The following HMX1 variants were observed in gnomAD, a reference collection of about 807,000 sequenced individuals.
HMX1 encodes the protein H6 family homeobox 1.
Under a neutral mutation model 8.9 loss-of-function variants are expected in HMX1, and 8 were observed. The observed-to-expected ratio is 0.90, with a 90% CI of 0.53 to 1.63. HMX1 has a LOEUF of 1.63. Ranked by LOEUF, HMX1 falls within the 40% of genes most tolerant of loss-of-function variation. The probability of loss-of-function intolerance (pLI) is 0.00; values close to 1 mark genes in which losing one functional copy is unlikely to be tolerated. For synonymous variants in HMX1, 311 were observed against 283.4 expected, an observed-to-expected ratio of 1.10 and a Z score of -0.98; for missense variants, 621 against 558.5, an observed-to-expected ratio of 1.11 and a Z score of -1.13.
intron 1 of HMX1, among the ~76,000 whole-genome samples, chr4:8,869,118 A>G (rs1722127707): frequency 6.6e-6 from 1 of 152,204 alleles, no homozygotes; most frequent in Admixed American, 6.5e-5. Context: ...GTCCTGCCCC[A>G]AACACTTTCA....
chr4:8,858,502 T>A (rs996628797), intron 1 of HMX1, among the ~76,000 whole-genome samples: 2 of 152,120 alleles, frequency 1.3e-5, no homozygotes, highest in Non-Finnish European at 2.9e-5. Context: ...CAGGCGCCTA[T>A]TTGAGCTCCT....
intron 1 of HMX1, among the ~76,000 whole-genome samples, chr4:8,852,341 C>T (rs943845150): frequency 6.6e-6 from 1 of 152,246 alleles, no homozygotes; most frequent in Non-Finnish European, 1.5e-5. Flanking sequence ...CTCCACTGCA[C>T]TTTGTCACGG....
At chr4:8,863,469 G>A (rs1721897307), downstream of HMX1, among the ~76,000 whole-genome samples, 5 of 152,254 alleles carry the variant, frequency 3.3e-5, no homozygotes, top group African/African-American at 7.2e-5. Context: ...CAGAGCCAAG[G>A]ATCTGGGAAA....
At position 8,871,280 on chromosome 4, in the gene HMX1, C is replaced by A. The variant is rs777752890; in HGVS notation, c.335G>T (p.Gly112Val). The A allele has an allele frequency of 2.3e-4, 345 of 1,477,262 alleles. No homozygotes were observed. The highest frequency in any genetic ancestry group is 8.7e-4 in the South Asian group (69 of 79,082). The allele number at this position is 1,477,262 out of a possible 1,614,324, so 91.5% of individuals were successfully genotyped here. A position where few individuals can be genotyped will look rare whatever the true frequency, so the allele number is the denominator to read the frequency against. Residue 112 changes from glycine to valine, a missense_variant, in exon 1 of 2, where the codon GGC becomes GTC. Coordinates refer to ENST00000400677, the MANE Select transcript of HMX1 (RefSeq NM_018942.3). The surrounding 1 kb of genome is among the most constrained non-coding windows in gnomAD (Gnocchi z 4.8). The part of the protein sequence containing the change: ...PGPPFALGCG[G>V]AARWYPRAHG... Reference sequence around the variant, plus strand: ...CGCCCGTGGGTACCAGCGCGCTGCGCCTCCGCAGCCCAGAGCGAAGGGCGG... The same window carrying A: ...CGCCCGTGGGTACCAGCGCGCTGCGACTCCGCAGCCCAGAGCGAAGGGCGG...
downstream of HMX1, among the ~76,000 whole-genome samples, chr4:8,864,243 T>C (rs1721920110): frequency 6.6e-6 from 1 of 152,098 alleles, no homozygotes; most frequent in African/African-American, 2.4e-5. Context: ...AACGGAGGCC[T>C]GGAGGAGAGA....
At chr4:8,858,598 G>A (rs956449241) in intron 1 of HMX1, 1 of 152,264 alleles carries the variant, frequency 6.6e-6, no homozygotes, top group Admixed American at 6.5e-5. Context: ...GGACGTCATG[G>A]GGGGAGTGCC....
chr4:8,867,896 C>G lies in HMX1; in HGVS notation c.844G>C (p.Val282Leu). ...GGGCTTTCGTGGTAGAGCACCGGCA[C>G]GCGGACCAGGCGCTGCGCTCCCGGC... ...SPPGAQRLVRVPVLYHESPPA... is the reference protein window; with the variant it reads ...SPPGAQRLVRLPVLYHESPPA... The change falls in exon 2 of 2, where the codon GTG becomes CTG. Residue 282 changes from valine to leucine, a missense_variant. Coordinates refer to ENST00000400677, the MANE Select transcript of HMX1 (RefSeq NM_018942.3). 1 of 1,372,116 alleles carries G rather than the reference C, an allele frequency of 7.3e-7. No homozygotes were observed. Among genetic ancestry groups the G allele is most frequent in the South Asian group, 1.7e-5 (1 of 60,320 alleles). The allele number at this position is 1,372,116 out of a possible 1,614,324, so 85.0% of individuals were successfully genotyped here.
intron 1 of HMX1, among the ~76,000 whole-genome samples, chr4:8,861,609 C>T (rs1721825248): frequency 6.6e-6 from 1 of 152,132 alleles, no homozygotes; most frequent in Non-Finnish European, 1.5e-5. Flanking sequence ...GTAGGCGGAG[C>T]CCCGGGGGCA....
At chr4:8,862,287 G>A (rs905002263), downstream of HMX1, among the ~76,000 whole-genome samples, 5 of 152,260 alleles carry the variant, frequency 3.3e-5, no homozygotes, top group African/African-American at 9.6e-5. Context: ...CCGATTGGGC[G>A]TAGATAAACC....
intron 1 of HMX1, among the ~76,000 whole-genome samples, chr4:8,856,670 C>T (rs1198212793): frequency 6.6e-6 from 1 of 152,218 alleles, no homozygotes; most frequent in Non-Finnish European, 1.5e-5. Flanking sequence ...AGTACATTCA[C>T]TTCCCATTTT....
In HMX1 at chr4:8,871,471, GTCC is replaced by G. The variant is rs1338713186; in HGVS notation, c.141_143del (p.Glu47del). On this transcript the variant is annotated inframe_deletion, in exon 1 of 2. Transcript: ENST00000400677. This position sits in a 1 kb window ranked among gnomAD's most constrained non-coding sequence, Gnocchi z 4.8. Reference sequence around the variant, plus strand: ...CGTCCTCGTCTTCGGGGTCGTCGTCGTCCTCCTCCTCGTCCTCCCGGCTGCCGT... The same window carrying G: ...CGTCCTCGTCTTCGGGGTCGTCGTCGTCCTCCTCGTCCTCCCGGCTGCCGT... 2.1e-5 allele frequency: 28 copies of G among 1,341,700 alleles called. No individual in the cohort carries two copies. Among genetic ancestry groups the G allele is most frequent in the Non-Finnish European group, 2.3e-5 (24 of 1,036,542 alleles). The allele number at this position is 1,341,700 out of a possible 1,614,324, so 83.1% of individuals were successfully genotyped here. A position where few individuals can be genotyped will look rare whatever the true frequency, so the allele number is the denominator to read the frequency against.
Position 8,870,106 on chromosome 4 carries a change from G to A in HMX1, c.394+1115C>T, listed in dbSNP as rs189609484. On this transcript the variant is annotated intron_variant, in intron 1 of 1. Transcript: ENST00000400677. This position sits in a 1 kb window ranked among gnomAD's most constrained non-coding sequence, Gnocchi z 4.4. The stretch of plus-strand genomic sequence containing the variant: ...ATCTAACAAGTGAGTGAGGGTCGTA[G>A]GCCACTTACTCCCCAGCACACACTA... Among the ~76,000 whole-genome samples the A allele has an allele frequency of 1.8e-3, 277 of 152,192 alleles. 7 individuals are homozygous for A. In the South Asian group the frequency reaches 0.036, roughly 20 times the overall value.
intron 1 of HMX1, among the ~76,000 whole-genome samples, chr4:8,869,108 G>C (rs1208088236): frequency 6.6e-6 from 1 of 152,206 alleles, no homozygotes; most frequent in African/African-American, 2.4e-5. Context: ...CAGCAGCTGA[G>C]TCCTGCCCCA....
rs1433770107 is a variant in HMX1, at chr4:8,847,361, G to T, written c.395-1037C>A. Among the ~76,000 whole-genome samples the T allele has an allele frequency of 6.6e-6, 1 of 152,136 alleles. No individual in the cohort carries two copies. ...AATATCTTTGACTTAAGAATTCCTG[G>T]TTCACACCAGGAGGAGCAAGATGTT... is the stretch of plus-strand genomic sequence containing the variant. On this transcript the variant is annotated intron_variant, in intron 1 of 1. Transcript: ENST00000506970. The surrounding 1 kb of genome is among the most constrained non-coding windows in gnomAD (Gnocchi z 6.0).
chr4:8,850,967 C>G (rs566833895), intron 1 of HMX1, among the ~76,000 whole-genome samples: 2 of 152,384 alleles, frequency 1.3e-5, no homozygotes, highest in East Asian at 3.9e-4. Flanking sequence ...TGGGCTCCCC[C>G]AGGGCAGGGA....
chr4:8,861,523 G>T (rs1427517757), intron 1 of HMX1, among the ~76,000 whole-genome samples: 1 of 152,218 alleles, frequency 6.6e-6, no homozygotes, highest in East Asian at 1.9e-4. Flanking sequence ...CGCGCGCGCG[G>T]GATCCTCGTG....
chr4:8,860,998 C>CG (rs1168067049), intron 1 of HMX1, among the ~76,000 whole-genome samples: 2 of 41,042 alleles, frequency 4.9e-5, no homozygotes, highest in South Asian at 1.8e-3. Context: ...GCCGGAACCG[C>CG]GGGGAGGGGG....
downstream of HMX1, among the ~76,000 whole-genome samples, chr4:8,865,886 G>C (rs1349816861): frequency 6.6e-6 from 1 of 152,248 alleles, no homozygotes; most frequent in African/African-American, 2.4e-5. Context: ...CCGGACACAA[G>C]CCTGGGAAGG....
intron 1 of HMX1, among the ~76,000 whole-genome samples, chr4:8,861,728 C>G (rs1721832179): frequency 6.6e-6 from 1 of 152,244 alleles, no homozygotes; most frequent in Non-Finnish European, 1.5e-5. Flanking sequence ...CCAGGGGCCT[C>G]TGCGCCTCTC....
Sources: gnomAD v4.1 joint callset for allele counts (sites outside exome capture counted in the v4.1 genomes callset) on GRCh38, gnomAD v4.1.1 for gene constraint, Gnocchi (gnomAD v3.1) non-coding constraint, MANE v1.5 for transcripts, NCBI Gene and HGNC (gene_info 2026-07-23, HGNC 2026-07-21) for gene names.